KHSRP: variants seen among roughly 807,000 people sequenced by gnomAD.
KHSRP encodes far upstream element-binding protein 2.
A neutral mutation model predicts 94.9 loss-of-function variants in KHSRP; 13 were observed. The observed-to-expected ratio is 0.14, with a 90% confidence interval of 0.09 to 0.22. KHSRP has a LOEUF of 0.22. Ranked by LOEUF, KHSRP falls within the 10% of genes least tolerant of loss-of-function variation. The probability of loss-of-function intolerance (pLI) is 1.00; values close to 1 mark genes in which losing one functional copy is unlikely to be tolerated. For synonymous variants in KHSRP, 495 were observed against 401.4 expected (o/e 1.23, Z -2.79); for missense variants, 710 against 1,010.0 (o/e 0.70, Z 4.03).
In KHSRP at chr19:6,415,165, C is replaced by T. The variant is rs114436343; in HGVS notation, c.2103G>A (p.Pro701=). The change falls in exon 19 of 19, where the codon CCG becomes CCA. Residue 701 remains proline, a synonymous_variant. Coordinates refer to ENST00000600480, the MANE Select transcript of KHSRP (RefSeq NM_001366299.1). ...QTPGPGGPQP[P]PTQQGQQQAS... ...CCTGCTGCTGTCCCTGCTGCGTGGGCGGCGGCTGGGGGCCGCCAGGACCTG... is the reference window on the plus strand; with the variant it reads ...CCTGCTGCTGTCCCTGCTGCGTGGGTGGCGGCTGGGGGCCGCCAGGACCTG... 9.7e-3 allele frequency: 15,555 copies of T among 1,607,078 alleles called. 106 individuals are homozygous for T. Among genetic ancestry groups the T allele is most frequent in the African/African-American group, 0.023 (1,751 of 74,938 alleles).
chr19:6,421,783 C>T (rs2092196429), intron 2 of KHSRP, 95 bp from the exon 3 acceptor site: 5 of 1,430,832 alleles, frequency 3.5e-6, no homozygotes, highest in Non-Finnish European at 4.9e-6. Context: ...AAACAGTGCC[C>T]CTCGGCCCCC....
rs533704284 is a variant in KHSRP, at chr19:6,422,935, G to A, written c.250-499C>T. Among the ~76,000 whole-genome samples, 6 of 152,222 alleles carry A rather than the reference G, an allele frequency of 3.9e-5. No homozygotes were observed. In the East Asian group the frequency reaches 1.2e-3, roughly 29 times the overall value. On this transcript the variant is annotated intron_variant, in intron 1 of 18. Transcript: ENST00000600480. ...TTATCAATTTATTGAATAAATTTGA[G>A]CAAAGCGATCACTTCAAGGGATATG...
At chr19:6,421,810 G>C (rs1358262723) in intron 2 of KHSRP, 122 bp from the exon 3 acceptor site, 13 of 1,151,128 alleles carry the variant, frequency 1.1e-5, no homozygotes, top group East Asian at 2.4e-5. Flanking sequence ...AACAGGAGCT[G>C]AGACAGGAGC....
chr19:6,422,539 G>A, intron 1 of KHSRP, 103 bp from the exon 2 acceptor site: 3 of 820,214 alleles, frequency 3.7e-6, no homozygotes, highest in South Asian at 1.5e-5. Context: ...AAGCCCATCA[G>A]GTCTTGGTGT....
At position 6,415,718 on chromosome 19, in the gene KHSRP, CGCT is replaced by C; in HGVS notation, c.1701_1703del (p.Ala570del). Reference sequence around the variant, plus strand: ...CCCACGCGGCGTTGGGGTCCGCGGCCGCTGCAGCTGCTTTGCCTGCAGGAGATA... The same window carrying C: ...CCCACGCGGCGTTGGGGTCCGCGGCCGCAGCTGCTTTGCCTGCAGGAGATA... On this transcript the variant is annotated inframe_deletion, in exon 17 of 19. Transcript: ENST00000600480. The C allele has an allele frequency of 6.5e-7, 1 of 1,549,800 alleles. No homozygotes were observed. The highest frequency in any genetic ancestry group is 8.7e-7 in the Non-Finnish European group (1 of 1,146,946).
At position 6,414,897 on chromosome 19, in the gene KHSRP, G is replaced by C. The variant is rs181989209; in HGVS notation, c.*127C>G. 3 of 1,376,402 alleles carry C rather than the reference G, an allele frequency of 2.2e-6. No individual in the cohort carries two copies. Among genetic ancestry groups the C allele is most frequent in the African/African-American group, 2.9e-5 (2 of 68,120 alleles). The allele number at this position is 1,376,402 out of a possible 1,614,324, so 85.3% of individuals were successfully genotyped here. ...CAGCGCTCCCCAGCATCACGACAGC[G>C]GCACACAGGAACAAGCAGCCGGCGC... On this transcript the variant is annotated 3_prime_UTR_variant, in exon 19 of 19. Coordinates refer to ENST00000600480, the MANE Select transcript of KHSRP (RefSeq NM_001366299.1).
At position 6,421,735 on chromosome 19, in the gene KHSRP, C is replaced by T. The variant is rs377443483; in HGVS notation, c.347-47G>A. 4.3e-4 allele frequency: 689 copies of T among 1,606,754 alleles called. 4 individuals carry two copies. The highest frequency in any genetic ancestry group is 8.9e-5 in the Non-Finnish European group (104 of 1,173,688). ...AGATGCAGCACCCACCCACCCACGG[C>T]CGCCTCGAACCTGATGCTGGTGCCA... On this transcript the variant is annotated intron_variant, in intron 2 of 18. Transcript: ENST00000600480.
In KHSRP at chr19:6,413,906, G is replaced by T; in HGVS notation, c.*1118C>A. 2.1e-6 allele frequency: 1 copy of T among 480,622 alleles called. No homozygotes were observed. The highest frequency in any genetic ancestry group is 3.4e-6 in the Non-Finnish European group (1 of 297,120). The allele number at this position is 480,622 out of a possible 1,614,324, so 29.8% of individuals were successfully genotyped here. ...ACATGGAAGGATCCCAATTTTGAAA[G>T]AAAAAGCATGTGAGACACAGAACAG... On this transcript the variant is annotated 3_prime_UTR_variant, in exon 19 of 19. Coordinates refer to ENST00000600480, the MANE Select transcript of KHSRP (RefSeq NM_001366299.1).
rs770374295 is a variant in KHSRP, at chr19:6,415,741, G to A, written c.1688-7C>T. The stretch of plus-strand genomic sequence containing the variant: ...GCCGCTGCAGCTGCTTTGCCTGCAG[G>A]AGATACCTCGGGTGAGACGGGGGGA... On this transcript the variant is annotated splice_polypyrimidine_tract_variant and splice_region_variant and intron_variant, in intron 16 of 18. Transcript: ENST00000600480. 4.4e-5 allele frequency: 69 copies of A among 1,550,634 alleles called. No homozygotes were observed. In the African/African-American group the frequency reaches 6.6e-4, roughly 15 times the overall value.
rs1458383468 is a variant in KHSRP, at chr19:6,416,780, A to C, written c.1285T>G (p.Phe429Val). The change falls in exon 13 of 19, where the codon TTC becomes GTC. Residue 429 changes from phenylalanine to valine, a missense_variant. Coordinates refer to ENST00000600480, the MANE Select transcript of KHSRP (RefSeq NM_001366299.1). Reference protein sequence around the residue: ...NWGPPGGEMTFSIPTHKCGLV... With the variant: ...NWGPPGGEMTVSIPTHKCGLV... Reference sequence around the variant, plus strand: ...CCACACTTGTGAGTGGGGATGGAGAAGGTCATCTCCCCGCCAGGGGGACCC... The same window carrying C: ...CCACACTTGTGAGTGGGGATGGAGACGGTCATCTCCCCGCCAGGGGGACCC... 6.3e-7 allele frequency: 1 copy of C among 1,590,774 alleles called. No homozygotes were observed. The highest frequency in any genetic ancestry group is 1.8e-5 in the Admixed American group (1 of 55,564).
rs140018828 is a variant in KHSRP, at chr19:6,415,646, G to A, written c.1776C>T (p.Pro592=). The change falls in exon 17 of 19, where the codon CCC becomes CCT. Residue 592 remains proline, a synonymous_variant. Coordinates refer to ENST00000600480, the MANE Select transcript of KHSRP (RefSeq NM_001366299.1). ...GGGCCGCAGGGGCCGGTGCGGGGCC[G>A]GGGACGGGGCCCGGGGGCTGCTGGT... ...HYYQQPPGPV[P]GPAPAPAAPP... 24,869 of 1,535,712 alleles carry A rather than the reference G, an allele frequency of 0.016. 242 individuals are homozygous for A. Among genetic ancestry groups the A allele is most frequent in the Non-Finnish European group, 0.019 (21,656 of 1,142,418 alleles).
Position 6,414,177 on chromosome 19 carries a change from T to C in KHSRP, c.*847A>G. On this transcript the variant is annotated 3_prime_UTR_variant, in exon 19 of 19. Transcript: ENST00000600480. Reference sequence around the variant, plus strand: ...CTACGGGGAGGGAAGGGTGGGAGACTAGGGGGCGGAAGAGAGGAGGGGCTG... The same window carrying C: ...CTACGGGGAGGGAAGGGTGGGAGACCAGGGGGCGGAAGAGAGGAGGGGCTG... The C allele has an allele frequency of 2.6e-6, 4 of 1,550,198 alleles. No individual in the cohort carries two copies. The highest frequency in any genetic ancestry group is 1.9e-5 in the Admixed American group (1 of 53,150).
rs2092173268 is a variant in KHSRP at position 6,418,699 on chromosome 19, C to A, written c.780+3G>T. 2 of 1,613,760 alleles carry A rather than the reference C, an allele frequency of 1.2e-6. No individual in the cohort carries two copies. The highest frequency in any genetic ancestry group is 1.7e-6 in the Non-Finnish European group (2 of 1,179,870). ...GAGGAAGCTGCCCAGGTGCTGCCCT[C>A]ACCTGCAGCTGCTTAATGGTCTCCC... On this transcript the variant is annotated splice_donor_region_variant and intron_variant, in intron 8 of 18. Transcript: ENST00000600480. This position sits in a 1 kb window ranked among gnomAD's most constrained non-coding sequence, Gnocchi z 4.3.
Position 6,420,438 on chromosome 19 carries a change from G to A in KHSRP, c.459C>T (p.Asp153=), listed in dbSNP as rs749639905. Reference sequence around the variant, plus strand: ...CACACTCACTCAGGCCCACCATGCCGTCTGGGACCCTGTACTCTTCTGTCA... The same window carrying A: ...CACACTCACTCAGGCCCACCATGCCATCTGGGACCCTGTACTCTTCTGTCA... The part of the protein sequence containing the change: ...TSMTEEYRVP[D]GMVGLIIGRG... Residue 153 remains aspartate, a synonymous_variant, in exon 5 of 19, where the codon GAC becomes GAT. Coordinates refer to ENST00000600480, the MANE Select transcript of KHSRP (RefSeq NM_001366299.1). The A allele has an allele frequency of 5.2e-5, 84 of 1,613,816 alleles. No individual in the cohort carries two copies. The highest frequency in any genetic ancestry group is 1.5e-4 in the Admixed American group (9 of 59,992).
intron 12 of KHSRP, 26 bp downstream of exon 12, chr19:6,416,961 C>T (rs1290013803): frequency 6.2e-7 from 1 of 1,613,360 alleles, no homozygotes; most frequent in Non-Finnish European, 8.5e-7. Context: ...GCCCTGCCAG[C>T]CCCTTCAGCA....
At position 6,414,182 on chromosome 19, in the gene KHSRP, G is replaced by A. The variant is rs1333639018; in HGVS notation, c.*842C>T. On this transcript the variant is annotated 3_prime_UTR_variant, in exon 19 of 19. Transcript: ENST00000600480. ...GGGAGGGAAGGGTGGGAGACTAGGG[G>A]GCGGAAGAGAGGAGGGGCTGGAACA... 4 of 1,589,136 alleles carry A rather than the reference G, an allele frequency of 2.5e-6. No homozygotes were observed. The highest frequency in any genetic ancestry group is 1.4e-5 in the African/African-American group (1 of 73,606).
chr19:6,421,248 G>A (rs552594309), intron 4 of KHSRP, 30 bp downstream of exon 4: 3 of 1,570,764 alleles, frequency 1.9e-6, no homozygotes, highest in Middle Eastern at 1.7e-4. Flanking sequence ...CAACAGACAA[G>A]AAAGCAGTGT....
Position 6,414,293 on chromosome 19 carries a change from TCG to T in KHSRP, c.*729_*730del, listed in dbSNP as rs1355103870. The T allele has an allele frequency of 4.3e-6, 6 of 1,393,820 alleles. No homozygotes were observed. Among genetic ancestry groups the T allele is most frequent in the Admixed American group, 6.2e-5 (2 of 32,144 alleles). The allele number at this position is 1,393,820 out of a possible 1,614,324, so 86.3% of individuals were successfully genotyped here. ...GCTTGTTAACTGTCTAGCCAGGTGC[TCG>T]CGGGACTCGCTGAAGTCACGCTGCT... On this transcript the variant is annotated 3_prime_UTR_variant, in exon 19 of 19. Coordinates refer to ENST00000600480, the MANE Select transcript of KHSRP (RefSeq NM_001366299.1).
Position 6,417,004 on chromosome 19 carries a change from G to C in KHSRP, c.1165C>G (p.Leu389Val). The C allele has an allele frequency of 6.2e-7, 1 of 1,613,784 alleles. No homozygotes were observed. The highest frequency in any genetic ancestry group is 8.5e-7 in the Non-Finnish European group (1 of 1,179,866). Reference protein sequence around the residue: ...CEHAARIINDLLQSLRSGPPG... With the variant: ...CEHAARIINDVLQSLRSGPPG... ...CCACCTACCCTGAGGCTCTGGAGGA[G>C]GTCGTTGATGATCCGGGCTGCGTGC... is the stretch of plus-strand genomic sequence containing the variant. The change falls in exon 12 of 19, where the codon CTC (leucine) becomes GTC (valine). Residue 389 changes from leucine to valine, a missense_variant. Transcript: ENST00000600480.
Sources: allele counts gnomAD v4.1 joint callset (sites outside exome capture counted in the v4.1 genomes callset), GRCh38; gene constraint gnomAD v4.1.1; non-coding constraint Gnocchi (gnomAD v3.1); transcripts MANE v1.5; gene names NCBI Gene and HGNC (gene_info 2026-07-23, HGNC 2026-07-21).